PTPRK: variants seen among roughly 807,000 people sequenced by gnomAD.
PTPRK encodes receptor-type tyrosine-protein phosphatase kappa.
In PTPRK, 75 loss-of-function variants were observed where a neutral mutation model predicts 178.0. That is an observed-to-expected ratio of 0.42 (90% CI 0.35 to 0.51). The LOEUF (loss-of-function observed/expected upper bound fraction) is 0.51. Ranked by LOEUF, PTPRK falls within the 20% of genes least tolerant of loss-of-function variation. PTPRK has a pLI of 0.02. For missense variants in PTPRK, 1,441 were observed against 1,797.8 expected (o/e 0.80, Z 3.59); for synonymous variants, 637 against 620.6 (o/e 1.03, Z -0.39).
intron 1 of PTPRK, among the ~76,000 whole-genome samples, chr6:128,476,880 G>A (rs62425730): frequency 0.089 from 13,188 of 148,670 alleles, 779 homozygotes; most frequent in Non-Finnish European, 0.13. Context: ...TTTCTAAACT[G>A]CTTTTCTAAA....
At chr6:128,159,235 T>C (rs1798349699) in intron 7 of PTPRK, among the ~76,000 whole-genome samples, 1 of 151,872 alleles carries the variant, frequency 6.6e-6, no homozygotes, top group Non-Finnish European at 1.5e-5. Flanking sequence ...ATGATCAGTT[T>C]CATCTACATG....
At chr6:128,048,408 C>A (rs1778433078) in intron 13 of PTPRK, among the ~76,000 whole-genome samples, 1 of 152,180 alleles carries the variant, frequency 6.6e-6, no homozygotes, top group Non-Finnish European at 1.5e-5. Context: ...AGGAAAAATT[C>A]TCCTCAAGGT....
intron 7 of PTPRK, among the ~76,000 whole-genome samples, chr6:128,139,854 G>C (rs1402426304): frequency 6.7e-6 from 1 of 150,228 alleles, no homozygotes; most frequent in Admixed American, 6.7e-5. Flanking sequence ...ATACTTAACA[G>C]TGCCAAGGTT....
chr6:128,323,454 A>C (rs1482913078), intron 2 of PTPRK, among the ~76,000 whole-genome samples: 1 of 152,140 alleles, frequency 6.6e-6, no homozygotes, highest in African/African-American at 2.4e-5. Context: ...TATAAAACTC[A>C]GTGTTATAAG....
intron 5 of PTPRK, among the ~76,000 whole-genome samples, chr6:128,227,411 T>TA (rs373277310): frequency 1.4e-4 from 22 of 152,120 alleles, no homozygotes; most frequent in African/African-American, 5.3e-4. Flanking sequence ...ACAGACTGAC[T>TA]AATAAGAGAG....
intron 7 of PTPRK, among the ~76,000 whole-genome samples, chr6:128,148,092 T>C (rs1796743599): frequency 1.3e-5 from 2 of 152,036 alleles, no homozygotes; most frequent in Admixed American, 1.3e-4. Context: ...TGAAAAACAA[T>C]CACAGCCCAT....
At chr6:128,256,461 T>G (rs576892992) in intron 3 of PTPRK, among the ~76,000 whole-genome samples, 1 of 151,910 alleles carries the variant, frequency 6.6e-6, no homozygotes, top group Non-Finnish European at 1.5e-5. Flanking sequence ...TTTTTTTTTT[T>G]GAGATGGAGT....
intron 6 of PTPRK, among the ~76,000 whole-genome samples, chr6:128,200,796 A>C (rs1259302343): frequency 6.8e-6 from 1 of 147,846 alleles, no homozygotes; most frequent in Non-Finnish European, 1.5e-5. Flanking sequence ...AAAAGAAAAA[A>C]AGACAGAAAG....
intron 13 of PTPRK, among the ~76,000 whole-genome samples, chr6:128,064,111 A>G (rs901560805): frequency 1.3e-5 from 2 of 152,206 alleles, no homozygotes; most frequent in Non-Finnish European, 2.9e-5. Context: ...AATTAAAAAC[A>G]CAGAGAATGT....
chr6:128,488,818 G>T (rs1853348060), intron 1 of PTPRK, among the ~76,000 whole-genome samples: 1 of 151,806 alleles, frequency 6.6e-6, no homozygotes, highest in Non-Finnish European at 1.5e-5. Flanking sequence ...AATCTAAAGG[G>T]AATTCTTAAA....
chr6:128,000,726 C>T (rs1387004190), intron 15 of PTPRK, among the ~76,000 whole-genome samples: 2 of 152,028 alleles, frequency 1.3e-5, no homozygotes, highest in Non-Finnish European at 2.9e-5. Flanking sequence ...GGCACTGCCA[C>T]AGAATATACA....
At chr6:128,320,445 C>T (rs888837770) in intron 3 of PTPRK, among the ~76,000 whole-genome samples, 1 of 152,056 alleles carries the variant, frequency 6.6e-6, no homozygotes, top group African/African-American at 2.4e-5. Context: ...TGTTATTGTT[C>T]TTGTTTTAAA....
At chr6:128,367,548 T>G (rs559698218) in intron 2 of PTPRK, among the ~76,000 whole-genome samples, 22 of 152,132 alleles carry the variant, frequency 1.4e-4, no homozygotes, top group Non-Finnish European at 3.1e-4. Context: ...TAAATTTAAG[T>G]GGTCTCAGGG....
chr6:128,085,472 T>C (rs1433243867), intron 8 of PTPRK, among the ~76,000 whole-genome samples: 1 of 152,152 alleles, frequency 6.6e-6, no homozygotes, highest in East Asian at 1.9e-4. Context: ...AGGTGGCTAA[T>C]GGGGGAAAAA....
intron 1 of PTPRK, among the ~76,000 whole-genome samples, chr6:128,444,742 T>C (rs1375389626): frequency 2.0e-5 from 3 of 152,162 alleles, no homozygotes; most frequent in Non-Finnish European, 4.4e-5. Context: ...AATGAAATTA[T>C]GAAGAAAAGG....
At chr6:128,307,131 T>C (rs966482089) in intron 3 of PTPRK, among the ~76,000 whole-genome samples, 20 of 145,516 alleles carry the variant, frequency 1.4e-4, no homozygotes, top group Non-Finnish European at 2.1e-4. Context: ...AGCAGGCAGA[T>C]AGAAGGCTCA....
intron 22 of PTPRK, among the ~76,000 whole-genome samples, chr6:127,984,704 C>T (rs1775742455): frequency 6.6e-6 from 1 of 152,198 alleles, no homozygotes; most frequent in Non-Finnish European, 1.5e-5. Flanking sequence ...CTTAAACTCA[C>T]TGTTCTTTTA....
At chr6:128,242,412 AT>A in intron 4 of PTPRK, 108 bp downstream of exon 4, 1 of 1,407,514 alleles carries the variant, frequency 7.1e-7, no homozygotes, top group Admixed American at 2.7e-5. Flanking sequence ...AGGACTAACA[AT>A]AACAAGAGAG....
At chr6:128,058,377 C>T (rs775389462) in intron 13 of PTPRK, among the ~76,000 whole-genome samples, 12 of 152,132 alleles carry the variant, frequency 7.9e-5, no homozygotes, top group Non-Finnish European at 1.5e-4. Flanking sequence ...AGTGGAATCA[C>T]ATTGTGGTTT....
Sources: gnomAD v4.1 joint callset for allele counts (sites outside exome capture counted in the v4.1 genomes callset) on GRCh38, gnomAD v4.1.1 for gene constraint, MANE v1.5 for transcripts, NCBI Gene and HGNC (gene_info 2026-07-23, HGNC 2026-07-21) for gene names.